Variants in PRMT1 observed in about 807,000 individuals in gnomAD.
The protein encoded by PRMT1 is protein arginine N-methyltransferase 1.
A neutral mutation model predicts 47.4 loss-of-function variants in PRMT1; 5 were observed. That is an observed-to-expected ratio of 0.11 (90% CI 0.06 to 0.22). The LOEUF is 0.22. Ranked by LOEUF, PRMT1 falls within the 10% of genes least tolerant of loss-of-function variation. The pLI is 1.00. For missense variants in PRMT1, 249 were observed against 518.4 expected, an observed-to-expected ratio of 0.48 and a Z score of 5.05; for synonymous variants, 227 against 204.6, an observed-to-expected ratio of 1.11 and a Z score of -0.94.
upstream of PRMT1, chr19:49,677,198 A>G: frequency 2.3e-6 from 3 of 1,300,478 alleles, no homozygotes; most frequent in Admixed American, 3.0e-5. Flanking sequence ...CGGGCCGTGG[A>G]CCCTCTGGTA....
Position 49,680,784 on chromosome 19 carries a change from G to A in PRMT1, c.192+196G>A, listed in dbSNP as rs939025322. ...ACCGAGGTTAGCCTGAATCTCTGCA[G>A]GGGCCTCGCGCCGAAGGCTGGGGTG... On this transcript the variant is annotated intron_variant, in intron 3 of 10. Transcript: ENST00000454376. The surrounding 1 kb of genome is among the most constrained non-coding windows in gnomAD (Gnocchi z 4.2). 2.6e-5 allele frequency among the ~76,000 whole-genome samples: 4 copies of A among 152,268 alleles called. No homozygotes were observed. Among genetic ancestry groups the A allele is most frequent in the African/African-American group, 7.2e-5 (3 of 41,476 alleles).
chr19:49,680,800 G>T lies in PRMT1; in HGVS notation c.192+212G>T. Reference sequence around the variant, plus strand: ...ATCTCTGCAGGGGCCTCGCGCCGAAGGCTGGGGTGGGAGAGCGCATGCGTG... The same window carrying T: ...ATCTCTGCAGGGGCCTCGCGCCGAATGCTGGGGTGGGAGAGCGCATGCGTG... On this transcript the variant is annotated intron_variant, in intron 3 of 10. Transcript: ENST00000454376. This position sits in a 1 kb window ranked among gnomAD's most constrained non-coding sequence, Gnocchi z 4.2. Among the ~76,000 whole-genome samples, 1 of 152,246 alleles carries T rather than the reference G, an allele frequency of 6.6e-6. No homozygotes were observed. Among genetic ancestry groups the T allele is most frequent in the Admixed American group, 6.5e-5 (1 of 15,290 alleles).
At chr19:49,678,839 G>A (rs2082074466) in intron 1 of PRMT1, among the ~76,000 whole-genome samples, 1 of 151,752 alleles carries the variant, frequency 6.6e-6, no homozygotes, top group Non-Finnish European at 1.5e-5. Flanking sequence ...CAGGGCCTGG[G>A]ATGGGTGTCT....
chr19:49,687,742 C>T (rs966387634), intron 10 of PRMT1: 4 of 225,100 alleles, frequency 1.8e-5, no homozygotes, highest in Non-Finnish European at 2.7e-5. Context: ...GACTTTGTCT[C>T]ATCTTCATGT....
At position 49,684,012 on chromosome 19, in the gene PRMT1, C is replaced by T. The variant is rs2082165509; in HGVS notation, c.498C>T (p.Tyr166=). 6.2e-7 allele frequency: 1 copy of T among 1,614,096 alleles called. No homozygotes were observed. The highest frequency in any genetic ancestry group is 1.3e-5 in the African/African-American group (1 of 74,936). The part of the protein sequence containing the change: ...VDIIISEWMG[Y]CLFYESMLNT... ...TCATCATCAGCGAGTGGATGGGCTA[C>T]TGCCTCTTCTACGAGTCCATGCTCA... is the stretch of plus-strand genomic sequence containing the variant. Residue 166 remains tyrosine (Y), a synonymous_variant, in exon 6 of 11, where the codon TAC becomes TAT. Coordinates refer to ENST00000454376, the MANE Select transcript of PRMT1 (RefSeq NM_001536.6). The surrounding 1 kb of genome is among the most constrained non-coding windows in gnomAD (Gnocchi z 6.2).
In PRMT1 at chr19:49,684,076, C is replaced by T. The variant is rs1190072028; in HGVS notation, c.555+7C>T. 8.7e-6 allele frequency: 14 copies of T among 1,613,984 alleles called. No individual in the cohort carries two copies. Among genetic ancestry groups the T allele is most frequent in the Non-Finnish European group, 1.2e-5 (14 of 1,179,916 alleles). ...TGCCCGGGACAAGTGGCTGGTGAGG[C>T]CCCAGCGGGACGGGTGCAGCTCGCG... On this transcript the variant is annotated splice_region_variant and intron_variant, in intron 6 of 10. Coordinates refer to ENST00000454376, the MANE Select transcript of PRMT1 (RefSeq NM_001536.6). The surrounding 1 kb of genome is among the most constrained non-coding windows in gnomAD (Gnocchi z 6.2).
chr19:49,684,042 C>G lies in PRMT1; in HGVS notation c.528C>G (p.Thr176=), dbSNP rs199946860. ...TCTTCTACGAGTCCATGCTCAACACCGTGCTCTATGCCCGGGACAAGTGGC... is the reference window on the plus strand; with the variant it reads ...TCTTCTACGAGTCCATGCTCAACACGGTGCTCTATGCCCGGGACAAGTGGC... The part of the protein sequence containing the change: ...YCLFYESMLN[T]VLYARDKWLA... The change falls in exon 6 of 11, where the codon ACC becomes ACG. Residue 176 remains threonine (T), a synonymous_variant. Transcript: ENST00000454376. The surrounding 1 kb of genome is among the most constrained non-coding windows in gnomAD (Gnocchi z 6.2). 1 of 1,614,052 alleles carries G rather than the reference C, an allele frequency of 6.2e-7. No homozygotes were observed. The highest frequency in any genetic ancestry group is 8.5e-7 in the Non-Finnish European group (1 of 1,180,030).
rs746267093 is a variant in PRMT1 at position 49,688,082 on chromosome 19, C to T, written c.1033-80C>T. The T allele has an allele frequency of 5.1e-5, 64 of 1,244,406 alleles. No individual in the cohort carries two copies. The highest frequency in any genetic ancestry group is 2.4e-4 in the Admixed American group (14 of 59,432). 77.1% of individuals were successfully genotyped at this position (1,244,406 alleles called of 1,614,324 possible). On this transcript the variant is annotated intron_variant, in intron 10 of 10. Coordinates refer to ENST00000454376, the MANE Select transcript of PRMT1 (RefSeq NM_001536.6). The surrounding 1 kb of genome is among the most constrained non-coding windows in gnomAD (Gnocchi z 5.3). ...GGCAGGAAGCTGGAGCCCGGCTCATCGTCGCATAGCCTGCCTGCACCCGCC... is the reference window on the plus strand; with the variant it reads ...GGCAGGAAGCTGGAGCCCGGCTCATTGTCGCATAGCCTGCCTGCACCCGCC...
At position 49,688,119 on chromosome 19, in the gene PRMT1, C is replaced by A; in HGVS notation, c.1033-43C>A. 1 of 1,569,656 alleles carries A rather than the reference C, an allele frequency of 6.4e-7. No homozygotes were observed. The highest frequency in any genetic ancestry group is 8.8e-7 in the Non-Finnish European group (1 of 1,139,778). The stretch of plus-strand genomic sequence containing the variant: ...TGCCTGCACCCGCCCCCCGCCACCA[C>A]CTCCTGGTGGGTTCCGCCCTCATGC... On this transcript the variant is annotated intron_variant, in intron 10 of 10. Coordinates refer to ENST00000454376, the MANE Select transcript of PRMT1 (RefSeq NM_001536.6). This position sits in a 1 kb window ranked among gnomAD's most constrained non-coding sequence, Gnocchi z 5.3.
chr19:49,686,816 CG>C (rs1402072082), intron 10 of PRMT1, 90 bp downstream of exon 10: 9 of 10,282 alleles, frequency 8.8e-4, no homozygotes, highest in African/African-American at 4.0e-3. Context: ...ATGGTGGCAG[CG>C]GGGGTAGGGG....
intron 5 of PRMT1, 56 bp from the exon 6 acceptor site, chr19:49,683,866 GGAGGT>G (rs1201230796): frequency 5.7e-6 from 9 of 1,570,778 alleles, no homozygotes; most frequent in Admixed American, 1.9e-5. Context: ...AGCCCCCGGG[GGAGGT>G]GAGGTGAGGG....
intron 1 of PRMT1, among the ~76,000 whole-genome samples, chr19:49,678,587 G>C (rs2122929942): frequency 6.6e-6 from 1 of 152,242 alleles, no homozygotes; most frequent in South Asian, 2.1e-4. Flanking sequence ...GGCCCTTCTT[G>C]GAGACTTGGA....
At position 49,686,699 on chromosome 19, in the gene PRMT1, C is replaced by T. The variant is rs376865286; in HGVS notation, c.1005C>T (p.Ile335=). 1.2e-5 allele frequency: 19 copies of T among 1,607,790 alleles called. No individual in the cohort carries two copies. The highest frequency in any genetic ancestry group is 4.5e-5 in the East Asian group (2 of 44,494). Residue 335 remains isoleucine (I), a synonymous_variant, in exon 10 of 11, where the codon ATC becomes ATT. Coordinates refer to ENST00000454376, the MANE Select transcript of PRMT1 (RefSeq NM_001536.6). ...CGGGCGAGGAGATCTTCGGCACCAT[C>T]GGCATGCGGCCCAACGCCAAGAACA... ...VKTGEEIFGT[I]GMRPNAKNNR... is the part of the protein sequence containing the mutation.
rs369568142 is a variant in PRMT1 at position 49,684,886 on chromosome 19, G to A, written c.644-36G>A. On this transcript the variant is annotated intron_variant, in intron 7 of 10. Transcript: ENST00000454376. This position sits in a 1 kb window ranked among gnomAD's most constrained non-coding sequence, Gnocchi z 6.2. ...TGGCGGGCGGGGCCTCGGGTGGGCTGCTGCGGGCTCACCCCCTCCCTGCCT... is the reference window on the plus strand; with the variant it reads ...TGGCGGGCGGGGCCTCGGGTGGGCTACTGCGGGCTCACCCCCTCCCTGCCT... 1.2e-6 allele frequency: 2 copies of A among 1,608,070 alleles called. No individual in the cohort carries two copies. Among genetic ancestry groups the A allele is most frequent in the African/African-American group, 2.7e-5 (2 of 74,776 alleles).
Position 49,680,765 on chromosome 19 carries a change from G to A in PRMT1, c.192+177G>A, listed in dbSNP as rs1244134638. On this transcript the variant is annotated intron_variant, in intron 3 of 10. Transcript: ENST00000454376. The surrounding 1 kb of genome is among the most constrained non-coding windows in gnomAD (Gnocchi z 4.2). ...CCAAGCCGTTGCCTTGGAGACCGAGGTTAGCCTGAATCTCTGCAGGGGCCT... is the reference window on the plus strand; with the variant it reads ...CCAAGCCGTTGCCTTGGAGACCGAGATTAGCCTGAATCTCTGCAGGGGCCT... Among the ~76,000 whole-genome samples the A allele has an allele frequency of 6.6e-5, 10 of 152,262 alleles. No individual in the cohort carries two copies. In the East Asian group the frequency reaches 1.2e-3, roughly 18 times the overall value.
Position 49,680,360 on chromosome 19 carries a change from G to C in PRMT1, c.91-127G>C. 1 of 1,112,664 alleles carries C rather than the reference G, an allele frequency of 9.0e-7. No homozygotes were observed. Among genetic ancestry groups the C allele is most frequent in the Non-Finnish European group, 1.4e-6 (1 of 739,698 alleles). 68.9% of individuals were successfully genotyped at this position (1,112,664 alleles called of 1,614,324 possible). ...GGGGGCAAGATGGCAGGCGGGGGCT[G>C]TAGGGTTGTCATGGTATGATTTTGG... On this transcript the variant is annotated intron_variant, in intron 2 of 10. Transcript: ENST00000454376. This position sits in a 1 kb window ranked among gnomAD's most constrained non-coding sequence, Gnocchi z 4.2.
chr19:49,682,317 C>T (rs771024347), intron 5 of PRMT1, 58 bp downstream of exon 5: 5 of 1,566,062 alleles, frequency 3.2e-6, no homozygotes, highest in Non-Finnish European at 3.5e-6. Flanking sequence ...CCTGCTTCCC[C>T]AGGGCCCTCT....
chr19:49,686,010 G>A, intron 8 of PRMT1, 83 bp from the exon 9 acceptor site: 2 of 1,542,718 alleles, frequency 1.3e-6, no homozygotes, highest in Non-Finnish European at 1.7e-6. Context: ...GAGGTCACAG[G>A]CCCTCTGGGA....
At position 49,688,293 on chromosome 19, in the gene PRMT1, G is replaced by T. The variant is rs2082242417; in HGVS notation, c.*48G>T. 6.3e-7 allele frequency: 1 copy of T among 1,583,220 alleles called. No individual in the cohort carries two copies. The highest frequency in any genetic ancestry group is 1.7e-5 in the Admixed American group (1 of 59,922). On this transcript the variant is annotated 3_prime_UTR_variant, in exon 11 of 11. Coordinates refer to ENST00000454376, the MANE Select transcript of PRMT1 (RefSeq NM_001536.6). This position sits in a 1 kb window ranked among gnomAD's most constrained non-coding sequence, Gnocchi z 5.3. The stretch of plus-strand genomic sequence containing the variant: ...CGAGCCCAGGGGCTGAGCGTTCCTA[G>T]GCGGTTTCGGGGCTCCCCCTTCCTC...
Sources: allele counts gnomAD v4.1 joint callset (sites outside exome capture counted in the v4.1 genomes callset), GRCh38; gene constraint gnomAD v4.1.1; non-coding constraint Gnocchi (gnomAD v3.1); transcripts MANE v1.5; gene names NCBI Gene and HGNC (gene_info 2026-07-23, HGNC 2026-07-21).